The following KTN1 variants were observed in gnomAD, a reference collection of about 807,000 sequenced individuals.
The protein encoded by KTN1 is kinectin 1.
In KTN1, 130 loss-of-function variants were observed where a neutral mutation model predicts 222.5. The observed-to-expected ratio is 0.58, with a 90% CI of 0.51 to 0.68. KTN1 has a LOEUF of 0.68. KTN1 is among the 30% of genes least tolerant of loss of function. The probability of loss-of-function intolerance (pLI) is 0.00; values close to 1 mark genes in which losing one functional copy is unlikely to be tolerated. For synonymous variants in KTN1, 512 were observed against 496.3 expected (o/e 1.03, Z -0.42); for missense variants, 1,508 against 1,500.4 (o/e 1.01, Z -0.08).
At chr14:55,683,765 G>A (rs1178758685) in intron 43 of KTN1, 4 of 242,202 alleles carry the variant, frequency 1.7e-5, no homozygotes, top group Non-Finnish European at 3.1e-5. Context: ...CTGGGGTAAG[G>A]TTGTATTCAA....
Position 55,661,598 on chromosome 14 carries a change from A to T in KTN1, c.3076A>T (p.Arg1026Trp), listed in dbSNP as rs1271892393. 1 of 1,563,572 alleles carries T rather than the reference A, an allele frequency of 6.4e-7. No homozygotes were observed. Among genetic ancestry groups the T allele is most frequent in the Non-Finnish European group, 8.8e-7 (1 of 1,134,772 alleles). ...TTTGAAGGATGCAGTTGAACACCAG[A>T]GGAAGAAAAACAATGTAAGTAGATC... ...DSLKDAVEHQRKKNNDLREKN... is the reference protein window; with the variant it reads ...DSLKDAVEHQWKKNNDLREKN... Residue 1026 changes from arginine (R) to tryptophan (W), a missense_variant, in exon 32 of 44, where the codon AGG becomes TGG. Coordinates refer to ENST00000395314, the MANE Select transcript of KTN1 (RefSeq NM_001079521.2).
At chr14:55,629,195 T>A (rs1366427517) in intron 6 of KTN1, among the ~76,000 whole-genome samples, 1 of 152,014 alleles carries the variant, frequency 6.6e-6, no homozygotes, top group African/African-American at 2.4e-5. Flanking sequence ...GGCGGGTGAA[T>A]CATGAGGTCA....
At position 55,659,647 on chromosome 14, in the gene KTN1, C is replaced by T. The variant is rs774146028; in HGVS notation, c.2962-19C>T. The T allele has an allele frequency of 2.8e-6, 4 of 1,434,222 alleles. No homozygotes were observed. The South Asian group carries it at 3.5e-5, about 12-fold the overall frequency. The allele number at this position is 1,434,222 out of a possible 1,614,324, so 88.8% of individuals were successfully genotyped here. On this transcript the variant is annotated intron_variant, in intron 30 of 43. Transcript: ENST00000395314. ...CCTGAAAAGTTTTGTTCTGAAATAA[C>T]ATTTAACTCTTTTGATAGGCATCTT...
At chr14:55,638,464 A>G (rs891834302) in intron 12 of KTN1, among the ~76,000 whole-genome samples, 3 of 151,962 alleles carry the variant, frequency 2.0e-5, no homozygotes, top group South Asian at 2.1e-4. Flanking sequence ...AGCAAAAAGT[A>G]TTGGCTTAGA....
At chr14:55,599,270 G>A (rs1170628432) in intron 1 of KTN1, among the ~76,000 whole-genome samples, 1 of 151,988 alleles carries the variant, frequency 6.6e-6, no homozygotes, top group East Asian at 1.9e-4. Context: ...TCTGTTATCA[G>A]TTTTTTGGGA....
intron 1 of KTN1, among the ~76,000 whole-genome samples, chr14:55,597,037 A>G (rs1191308386): frequency 6.6e-6 from 1 of 151,976 alleles, no homozygotes; most frequent in Non-Finnish European, 1.5e-5. Context: ...GGATTAGTAT[A>G]TACTGTATAT....
intron 14 of KTN1, 79 bp from the exon 15 acceptor site, chr14:55,640,293 ACT>A: frequency 2.0e-6 from 2 of 976,382 alleles, no homozygotes; most frequent in Non-Finnish European, 3.1e-6. Context: ...CATTTGCTTA[ACT>A]CTTTTGTAGA....
intron 33 of KTN1, 67 bp downstream of exon 33, chr14:55,664,108 G>C: frequency 1.0e-6 from 1 of 1,001,020 alleles, no homozygotes; most frequent in Non-Finnish European, 1.5e-6. Context: ...CTTAAAATCA[G>C]ACTAAAGCAT....
At chr14:55,600,663 GATTT>G (rs138850233) in intron 1 of KTN1, among the ~76,000 whole-genome samples, 9,170 of 152,206 alleles carry the variant, frequency 0.06, 372 homozygotes, top group South Asian at 0.089. Context: ...CAAGATGGTA[GATTT>G]TAAGGGGAGG....
chr14:55,631,341 G>GATTGATATATATATATATATAT (rs1555371423), intron 7 of KTN1, among the ~76,000 whole-genome samples: 30 of 114,696 alleles, frequency 2.6e-4, no homozygotes, highest in East Asian at 1.3e-3. Context: ...TGATAAGGTT[G>GATTGATATATATATATATATAT]ATATATATAT....
At chr14:55,611,693 A>G (rs74342718) in intron 1 of KTN1, among the ~76,000 whole-genome samples, 31 of 152,332 alleles carry the variant, frequency 2.0e-4, no homozygotes, top group African/African-American at 7.5e-4. Flanking sequence ...GTTAACTACT[A>G]ATAAAGTACC....
chr14:55,584,381 T>G (rs1282147492), intron 1 of KTN1, among the ~76,000 whole-genome samples: 2 of 152,170 alleles, frequency 1.3e-5, no homozygotes, highest in South Asian at 4.1e-4. Context: ...ATAGTGTATG[T>G]TTGAGGGCAA....
chr14:55,665,681 T>C (rs1391038911), intron 33 of KTN1, among the ~76,000 whole-genome samples: 1 of 152,058 alleles, frequency 6.6e-6, no homozygotes, highest in East Asian at 1.9e-4. Context: ...CTAAATACTC[T>C]TGAGGAGCTA....
chr14:55,610,366 A>T (rs1253307332), intron 1 of KTN1, among the ~76,000 whole-genome samples: 1 of 152,084 alleles, frequency 6.6e-6, no homozygotes. Context: ...TAAAAAAAAA[A>T]TTCATGTGTA....
In KTN1 at chr14:55,667,418, C is replaced by T. The variant is rs906664378; in HGVS notation, c.3267+88C>T. On this transcript the variant is annotated intron_variant, in intron 34 of 43. Transcript: ENST00000395314. ...ACATCATTTGCACTCCACTTGGTTT[C>T]AGTAGAGTGCTGATTTCTTGATCTT... 6 of 656,214 alleles carry T rather than the reference C, an allele frequency of 9.1e-6. No homozygotes were observed. The African/African-American group carries it at 1.1e-4, about 12-fold the overall frequency. 40.6% of individuals were successfully genotyped at this position (656,214 alleles called of 1,614,324 possible). A position where few individuals can be genotyped will look rare whatever the true frequency, so the allele number is the denominator to read the frequency against.
chr14:55,652,702 T>C, intron 25 of KTN1, 148 bp from the exon 26 acceptor site: 1 of 578,746 alleles, frequency 1.7e-6, no homozygotes. Context: ...CCTGGCCTTG[T>C]ATGCCTTTAT....
At chr14:55,656,325 T>C (rs543011826) in intron 29 of KTN1, 193 bp downstream of exon 29, 4 of 506,290 alleles carry the variant, frequency 7.9e-6, no homozygotes, top group Non-Finnish European at 1.4e-5. Flanking sequence ...TATACTTGTT[T>C]ATTAAATACT....
chr14:55,658,741 C>T (rs1469762974), intron 30 of KTN1, 127 bp downstream of exon 30: 13 of 601,858 alleles, frequency 2.2e-5, no homozygotes, highest in Non-Finnish European at 2.6e-5. Flanking sequence ...TTATGTTTAT[C>T]AAATTTTATA....
intron 6 of KTN1, among the ~76,000 whole-genome samples, chr14:55,628,758 A>T (rs543046066): frequency 6.6e-6 from 1 of 152,270 alleles, no homozygotes; most frequent in East Asian, 1.9e-4. Context: ...AAGATTAATT[A>T]AAGTTGTTAA....
Sources: allele counts gnomAD v4.1 joint callset (sites outside exome capture counted in the v4.1 genomes callset), GRCh38; gene constraint gnomAD v4.1.1; transcripts MANE v1.5; gene names NCBI Gene and HGNC (gene_info 2026-07-23, HGNC 2026-07-21).